Variants in PDGFD observed in about 807,000 individuals in gnomAD.
PDGFD encodes the protein platelet derived growth factor D.
A neutral mutation model predicts 44.7 loss-of-function variants in PDGFD; 30 were observed. The ratio of observed to expected loss-of-function variants is 0.67; its 90% CI spans 0.50 to 0.91. The LOEUF (loss-of-function observed/expected upper bound fraction) is 0.91, where lower values mean the gene tolerates loss of function less well. Ranked by LOEUF, PDGFD falls within the 40% of genes least tolerant of loss-of-function variation. PDGFD has a pLI of 0.00. For missense variants in PDGFD, 445 were observed against 457.8 expected, an observed-to-expected ratio of 0.97 and a Z score of 0.25; for synonymous variants, 173 against 168.4, an observed-to-expected ratio of 1.03 and a Z score of -0.21.
rs1268557321 is a variant in PDGFD at position 104,119,559 on chromosome 11, A to C, written c.124+44245T>G. On this transcript the variant is annotated intron_variant, in intron 1 of 6. Coordinates refer to ENST00000393158, the MANE Select transcript of PDGFD (RefSeq NM_025208.5). ...ATATATAATATAATATATTGATATA[A>C]TATATAATATATTAATATAATATAT... Among the ~76,000 whole-genome samples, 11 of 87,834 alleles carry C rather than the reference A, an allele frequency of 1.3e-4. 1 individual carries two copies. Among genetic ancestry groups the C allele is most frequent in the African/African-American group, 4.5e-4 (9 of 20,152 alleles). The allele number at this position is 87,834 out of a possible 152,430, so 57.6% of individuals were successfully genotyped here.
intron 1 of PDGFD, among the ~76,000 whole-genome samples, chr11:104,052,414 G>C (rs1860554803): frequency 6.6e-6 from 1 of 152,048 alleles, no homozygotes; most frequent in African/African-American, 2.4e-5. Context: ...TTTATGAAAT[G>C]AAAAATGTTA....
chr11:103,921,077 C>G (rs2134306051), intron 6 of PDGFD, among the ~76,000 whole-genome samples: 1 of 152,216 alleles, frequency 6.6e-6, no homozygotes, highest in Admixed American at 6.5e-5. Flanking sequence ...TGTGGCAAAG[C>G]TGGAACCAGA....
At chr11:103,922,323 T>C (rs1307675330) in intron 6 of PDGFD, among the ~76,000 whole-genome samples, 1 of 152,166 alleles carries the variant, frequency 6.6e-6, no homozygotes, top group Non-Finnish European at 1.5e-5. Context: ...ACTACCCAAA[T>C]TATCTTTTAT....
intron 1 of PDGFD, among the ~76,000 whole-genome samples, chr11:104,149,259 G>A (rs924617363): frequency 6.6e-6 from 1 of 152,130 alleles, no homozygotes; most frequent in African/African-American, 2.4e-5. Context: ...GTGAAAGGAT[G>A]TATAGAGAAA....
intron 3 of PDGFD, among the ~76,000 whole-genome samples, chr11:103,969,337 T>C (rs1859067305): frequency 6.6e-6 from 1 of 152,138 alleles, no homozygotes; most frequent in Non-Finnish European, 1.5e-5. Context: ...ATAGGTGGCT[T>C]AAAGTGAAAT....
chr11:104,098,476 T>G (rs186253987), intron 1 of PDGFD, among the ~76,000 whole-genome samples: 92 of 151,078 alleles, frequency 6.1e-4, no homozygotes, highest in Non-Finnish European at 8.2e-4. Context: ...AAATCATATA[T>G]AGAGAGGGGA....
intron 1 of PDGFD, among the ~76,000 whole-genome samples, chr11:104,079,236 C>T (rs542376346): frequency 1.6e-4 from 24 of 152,302 alleles, no homozygotes; most frequent in African/African-American, 5.5e-4. Flanking sequence ...CTCACCACAA[C>T]ATGTAGGTGA....
intron 1 of PDGFD, among the ~76,000 whole-genome samples, chr11:104,116,520 C>T (rs770990651): frequency 6.6e-5 from 10 of 150,612 alleles, no homozygotes; most frequent in Non-Finnish European, 1.2e-4. Flanking sequence ...GGAAATCCTC[C>T]CTAAGTCATT....
chr11:104,095,966 C>T (rs72975283), intron 1 of PDGFD, among the ~76,000 whole-genome samples: 9,341 of 152,188 alleles, frequency 0.061, 340 homozygotes, highest in African/African-American at 0.1. Flanking sequence ...GAAACAATAA[C>T]TCATTCAATA....
intron 6 of PDGFD, among the ~76,000 whole-genome samples, chr11:103,913,204 C>T (rs1293243033): frequency 1.3e-5 from 2 of 152,192 alleles, no homozygotes; most frequent in East Asian, 3.9e-4. Context: ...ATACACTCTT[C>T]TCAGCATCAC....
chr11:103,944,946 C>CA lies in PDGFD; in HGVS notation c.574-1297dup, dbSNP rs576394512. On this transcript the variant is annotated intron_variant, in intron 4 of 6. Transcript: ENST00000393158. Reference sequence around the variant, plus strand: ...ACCGATGAATGTGTCAGGCCAGCTCCATTTTTTTTTTCTTTTACAAGAAAC... The same window carrying CA: ...ACCGATGAATGTGTCAGGCCAGCTCCAATTTTTTTTTTCTTTTACAAGAAAC... Among the ~76,000 whole-genome samples the CA allele has an allele frequency of 3.2e-3, 487 of 152,188 alleles. 14 individuals are homozygous for CA. The highest frequency in any genetic ancestry group is 0.027 in the Admixed American group (416 of 15,276).
chr11:104,070,500 C>T (rs1860858027), intron 1 of PDGFD, among the ~76,000 whole-genome samples: 1 of 152,162 alleles, frequency 6.6e-6, no homozygotes, highest in Non-Finnish European at 1.5e-5. Flanking sequence ...CTGACCCAAG[C>T]CTCTAAAATA....
In PDGFD at chr11:104,034,743, T is replaced by C. The variant is rs376270637; in HGVS notation, c.125-34488A>G. On this transcript the variant is annotated intron_variant, in intron 1 of 6. Coordinates refer to ENST00000393158, the MANE Select transcript of PDGFD (RefSeq NM_025208.5). ...CTGCAAGCTCCACCTCCAAGGTTCA[T>C]GCCATTCTCCTGCCTCAGCCTCCCG... Among the ~76,000 whole-genome samples, 23 of 151,884 alleles carry C rather than the reference T, an allele frequency of 1.5e-4. No individual in the cohort carries two copies. In the South Asian group the frequency reaches 3.3e-3, roughly 22 times the overall value.
At chr11:104,113,229 T>C (rs1646740986) in intron 1 of PDGFD, among the ~76,000 whole-genome samples, 1 of 152,084 alleles carries the variant, frequency 6.6e-6, no homozygotes, top group African/African-American at 2.4e-5. Flanking sequence ...AGAAAACACA[T>C]GATTGAACAC....
intron 1 of PDGFD, among the ~76,000 whole-genome samples, chr11:104,109,201 T>TA (rs141730351): frequency 1.1e-4 from 16 of 148,304 alleles, no homozygotes; most frequent in South Asian, 6.4e-4. Context: ...AAAGTATAAT[T>TA]AAAAAAAAAA....
At chr11:104,101,592 G>C (rs1861382511) in intron 1 of PDGFD, among the ~76,000 whole-genome samples, 1 of 152,036 alleles carries the variant, frequency 6.6e-6, no homozygotes, top group South Asian at 2.1e-4. Context: ...AGTTCATATG[G>C]AACCAAAAAA....
intron 3 of PDGFD, among the ~76,000 whole-genome samples, chr11:103,969,166 T>C (rs1029852197): frequency 9.9e-5 from 15 of 152,206 alleles, no homozygotes; most frequent in South Asian, 2.1e-4. Flanking sequence ...CTGGTAAATA[T>C]TGGGCTCTTG....
At chr11:104,044,311 T>C (rs1860405505) in intron 1 of PDGFD, among the ~76,000 whole-genome samples, 1 of 152,174 alleles carries the variant, frequency 6.6e-6, no homozygotes, top group Non-Finnish European at 1.5e-5. Flanking sequence ...CTAGTATCTT[T>C]AGAGCTAGTA....
intron 3 of PDGFD, among the ~76,000 whole-genome samples, chr11:103,954,412 A>T (rs1335401024): frequency 6.6e-6 from 1 of 152,154 alleles, no homozygotes; most frequent in African/African-American, 2.4e-5. Context: ...ATTTGGGATG[A>T]TTAGTTGTAC....
Sources: gnomAD v4.1 joint callset for allele counts (sites outside exome capture counted in the v4.1 genomes callset) on GRCh38, gnomAD v4.1.1 for gene constraint, MANE v1.5 for transcripts, NCBI Gene and HGNC (gene_info 2026-07-23, HGNC 2026-07-21) for gene names.